Variants in PRDM1 observed in about 807,000 individuals in gnomAD.
PRDM1 encodes the protein PR domain zinc finger protein 1.
A neutral mutation model predicts 62.8 loss-of-function variants in PRDM1; 13 were observed. The ratio of observed to expected loss-of-function variants is 0.21; its 90% CI spans 0.13 to 0.33. The LOEUF is 0.33. Among genes scored for constraint, PRDM1 ranks in the 10% least tolerant of loss-of-function variants. The pLI, the probability that PRDM1 is intolerant of heterozygous loss-of-function variation, is 1.00. For missense variants in PRDM1, 895 were observed against 1,058.8 expected, an observed-to-expected ratio of 0.85 and a Z score of 2.15; for synonymous variants, 396 against 417.6, an observed-to-expected ratio of 0.95 and a Z score of 0.63.
At position 106,055,354 on chromosome 6, in the gene PRDM1, T is replaced by C. The variant is rs937988921; in HGVS notation, c.-67+6640T>C. On this transcript the variant is annotated intron_variant, in intron 1 of 6. Coordinates refer to the PRDM1 transcript ENST00000651185. ...ACTTTGGGAAGATACATACATGTCT[T>C]GCATTATTATATACATGAGAGATAT... 2.6e-5 allele frequency among the ~76,000 whole-genome samples: 4 copies of C among 152,360 alleles called. No individual in the cohort carries two copies. The East Asian group carries it at 7.7e-4, about 29-fold the overall frequency.
At chr6:106,083,166 T>G (rs1438955055), upstream of PRDM1, among the ~76,000 whole-genome samples, 1 of 137,598 alleles carries the variant, frequency 7.3e-6, no homozygotes, top group Non-Finnish European at 1.5e-5. Flanking sequence ...CCCCAAATGT[T>G]TACCAGCATG....
intron 1 of PRDM1, among the ~76,000 whole-genome samples, chr6:106,036,252 G>A (rs1772924241): frequency 6.6e-6 from 1 of 152,072 alleles, no homozygotes; most frequent in African/African-American, 2.4e-5. Context: ...AAGTTCAAGT[G>A]ATTCTCATGC....
intron 1 of PRDM1, among the ~76,000 whole-genome samples, chr6:106,002,478 G>A (rs1450778357): frequency 6.6e-6 from 1 of 152,040 alleles, no homozygotes; most frequent in African/African-American, 2.4e-5. Flanking sequence ...TATTTAATTG[G>A]AAATTTATTT....
chr6:106,030,615 T>C (rs1485466416), intron 1 of PRDM1, among the ~76,000 whole-genome samples: 3 of 152,190 alleles, frequency 2.0e-5, no homozygotes, highest in African/African-American at 4.8e-5. Context: ...GAGTCCAAGG[T>C]TGTAAATATA....
At chr6:106,020,246 T>G (rs901408773) in intron 1 of PRDM1, among the ~76,000 whole-genome samples, 5 of 151,498 alleles carry the variant, frequency 3.3e-5, no homozygotes, top group Non-Finnish European at 5.9e-5. Context: ...GGAACCAATA[T>G]TTACTTAGAA....
chr6:106,082,028 G>A (rs1773702629), upstream of PRDM1, among the ~76,000 whole-genome samples: 1 of 152,180 alleles, frequency 6.6e-6, no homozygotes, highest in African/African-American at 2.4e-5. Context: ...ACTGAAAGGT[G>A]AGAGAAGCAA....
intron 1 of PRDM1, among the ~76,000 whole-genome samples, chr6:106,067,357 A>G (rs1402094528): frequency 6.6e-6 from 1 of 152,200 alleles, no homozygotes; most frequent in Non-Finnish European, 1.5e-5. Context: ...GGGTTTCCTC[A>G]AAAAGCTAAA....
chr6:106,046,641 C>G (rs2114579700), upstream of PRDM1: 1 of 152,244 alleles, frequency 6.6e-6, no homozygotes. Context: ...GCTGTTGACA[C>G]AGGCCTCTTG....
chr6:106,023,453 G>A (rs544472525), intron 1 of PRDM1, among the ~76,000 whole-genome samples: 34 of 146,100 alleles, frequency 2.3e-4, no homozygotes, highest in African/African-American at 6.9e-4. Flanking sequence ...CAGCCTGGGC[G>A]ACAGAGCGAG....
At chr6:106,098,583 G>C in intron 3 of PRDM1, 1 of 1,307,568 alleles carries the variant, frequency 7.6e-7, no homozygotes, top group Non-Finnish European at 1.0e-6. Context: ...TGAAAGGAAA[G>C]TGCAAGTCTG....
chr6:106,045,006 G>A (rs1349434838), upstream of PRDM1, among the ~76,000 whole-genome samples: 2 of 152,162 alleles, frequency 1.3e-5, no homozygotes, highest in Non-Finnish European at 2.9e-5. Context: ...GGCAGCCTGG[G>A]TGACAGAACG....
chr6:106,086,277 C>G (rs1773800073), upstream of PRDM1: 3 of 413,378 alleles, frequency 7.3e-6, 1 homozygote, highest in Non-Finnish European at 1.3e-5. Flanking sequence ...GCCACGCCCC[C>G]ACTTCGCGCA....
chr6:106,055,669 C>G (rs1773253539), intron 1 of PRDM1, among the ~76,000 whole-genome samples: 1 of 152,176 alleles, frequency 6.6e-6, no homozygotes, highest in African/African-American at 2.4e-5. Context: ...AAACAGTTCA[C>G]AAGATGCTTT....
intron 1 of PRDM1, among the ~76,000 whole-genome samples, chr6:105,997,190 T>G (rs892497317): frequency 6.6e-6 from 1 of 152,188 alleles, no homozygotes; most frequent in Non-Finnish European, 1.5e-5. Flanking sequence ...CCTAAGACAC[T>G]GGGATGGGGC....
chr6:106,063,584 A>C (rs11962783), intron 1 of PRDM1, among the ~76,000 whole-genome samples: 18,208 of 152,236 alleles, frequency 0.12, 1,119 homozygotes, highest in South Asian at 0.14. Context: ...TTTCTAAAAA[A>C]AATAGGAAAG....
intron 1 of PRDM1, among the ~76,000 whole-genome samples, chr6:106,009,322 G>C (rs148799874): frequency 6.6e-6 from 1 of 152,204 alleles, no homozygotes; most frequent in East Asian, 1.9e-4. Context: ...AAATATTTAC[G>C]TGGATTTTTT....
intron 3 of PRDM1, among the ~76,000 whole-genome samples, chr6:106,097,267 A>T (rs1774137885): frequency 1.3e-5 from 2 of 152,388 alleles, no homozygotes; most frequent in South Asian, 4.1e-4. Context: ...CTGAATTAAG[A>T]CAATCCAGCA....
chr6:106,048,143 C>T (rs1233843001), upstream of PRDM1, among the ~76,000 whole-genome samples: 2 of 149,526 alleles, frequency 1.3e-5, no homozygotes, highest in African/African-American at 4.9e-5. Context: ...CTTTGGGAGG[C>T]CAAGGCAGGA....
At chr6:106,016,287 C>T (rs1772618923) in intron 1 of PRDM1, among the ~76,000 whole-genome samples, 1 of 152,166 alleles carries the variant, frequency 6.6e-6, no homozygotes, top group Admixed American at 6.5e-5. Flanking sequence ...TGCTATGAAT[C>T]TTCTAGTGCT....
Sources: allele counts gnomAD v4.1 joint callset (sites outside exome capture counted in the v4.1 genomes callset), GRCh38; gene constraint gnomAD v4.1.1; transcripts MANE v1.5; gene names NCBI Gene and HGNC (gene_info 2026-07-23, HGNC 2026-07-21).